Variants in SYN3 observed in about 807,000 individuals in gnomAD.
SYN3 encodes synapsin III, also known as synapsin-3.
SYN3 carries 35 observed loss-of-function variants against 65.8 expected under a neutral mutation model. The ratio of observed to expected loss-of-function variants is 0.53; its 90% CI spans 0.41 to 0.70. SYN3 has a LOEUF of 0.70. SYN3 is among the 30% of genes least tolerant of loss of function. SYN3 has a pLI of 0.00. For synonymous variants in SYN3, 270 were observed against 292.9 expected, an observed-to-expected ratio of 0.92 and a Z score of 0.80; for missense variants, 680 against 749.0, an observed-to-expected ratio of 0.91 and a Z score of 1.08.
At chr22:32,687,614 T>C (rs1004982326) in intron 6 of SYN3, among the ~76,000 whole-genome samples, 32 of 152,278 alleles carry the variant, frequency 2.1e-4, no homozygotes, top group Admixed American at 2.1e-3. Context: ...CTTAAAACTT[T>C]GGTTGGTTTC....
chr22:32,933,498 G>A (rs1238205690), intron 3 of SYN3, among the ~76,000 whole-genome samples: 5 of 152,066 alleles, frequency 3.3e-5, no homozygotes, highest in African/African-American at 7.2e-5. Context: ...GCTCAATCTC[G>A]GCTCACTGCA....
rs2053202975 is a variant in SYN3 at position 33,006,550 on chromosome 22, G to A, written c.113C>T (p.Pro38Leu). Residue 38 changes from proline (P) to leucine (L), a missense_variant, in exon 2 of 14, where the codon CCC becomes CTC. Coordinates refer to ENST00000358763, the MANE Select transcript of SYN3 (RefSeq NM_003490.4). Reference protein sequence around the residue: ...PDSSTSSPASPAMERRHPQPL... With the variant: ...PDSSTSSPASLAMERRHPQPL... Reference sequence around the variant, plus strand: ...CTGGGGGTGCCTCCTCTCCATGGCGGGGGAAGCAGGTGAGCTGGTGGAGCT... The same window carrying A: ...CTGGGGGTGCCTCCTCTCCATGGCGAGGGAAGCAGGTGAGCTGGTGGAGCT... 6.2e-7 allele frequency: 1 copy of A among 1,614,200 alleles called. No individual in the cohort carries two copies. The highest frequency in any genetic ancestry group is 2.2e-5 in the East Asian group (1 of 44,878).
intron 6 of SYN3, among the ~76,000 whole-genome samples, chr22:32,863,703 A>G (rs900800846): frequency 3.9e-5 from 6 of 152,148 alleles, no homozygotes; most frequent in Non-Finnish European, 7.3e-5. Flanking sequence ...TATATACAGG[A>G]TCTCATGAAA....
intron 6 of SYN3, among the ~76,000 whole-genome samples, chr22:32,715,497 A>T (rs1265314151): frequency 1.3e-5 from 2 of 152,170 alleles, no homozygotes; most frequent in African/African-American, 4.8e-5. Flanking sequence ...AAAGTGAAAG[A>T]TGGCTGGGCG....
At chr22:32,640,578 C>T (rs937184770) in intron 6 of SYN3, among the ~76,000 whole-genome samples, 8 of 152,140 alleles carry the variant, frequency 5.3e-5, no homozygotes, top group Non-Finnish European at 1.2e-4. Flanking sequence ...TAAATCTATT[C>T]ATATTTGGCC....
chr22:32,640,009 G>T lies in SYN3; in HGVS notation c.712-43273C>A, dbSNP rs147132572. Among the ~76,000 whole-genome samples, 1,329 of 152,294 alleles carry T rather than the reference G, an allele frequency of 8.7e-3. 16 individuals carry two copies. The highest frequency in any genetic ancestry group is 0.031 in the African/African-American group (1,286 of 41,550). ...TGCCACTCCTTTCTTCAATCCATAT[G>T]TTCTAGAACTGCAAAACTGTTCTCT... On this transcript the variant is annotated intron_variant, in intron 6 of 13. Transcript: ENST00000358763.
At chr22:32,831,184 T>C (rs142351432) in intron 6 of SYN3, among the ~76,000 whole-genome samples, 1,807 of 152,262 alleles carry the variant, frequency 0.012, 36 homozygotes, top group African/African-American at 0.041. Flanking sequence ...TGTGGGAGCC[T>C]GAGGCAGAAG....
intron 6 of SYN3, among the ~76,000 whole-genome samples, chr22:32,617,499 G>C (rs898829695): frequency 6.6e-6 from 1 of 150,474 alleles, no homozygotes; most frequent in African/African-American, 2.5e-5. Context: ...TAAAGAGAGA[G>C]AGCCCCTTGT....
At chr22:32,514,907 G>A (rs568929827) in intron 13 of SYN3, among the ~76,000 whole-genome samples, 3 of 152,138 alleles carry the variant, frequency 2.0e-5, no homozygotes, top group African/African-American at 7.2e-5. Flanking sequence ...TCCCAGCTAC[G>A]CGGGAGGCTG....
chr22:32,814,847 G>C (rs570319196), intron 6 of SYN3, among the ~76,000 whole-genome samples: 14 of 152,136 alleles, frequency 9.2e-5, no homozygotes, highest in Non-Finnish European at 8.8e-5. Context: ...GGCTACACGT[G>C]AGCCATGTAT....
At chr22:33,029,039 C>CA (rs1237730746) in intron 1 of SYN3, among the ~76,000 whole-genome samples, 1,896 of 134,214 alleles carry the variant, frequency 0.014, 38 homozygotes, top group African/African-American at 0.047. Context: ...GACTCTGTCT[C>CA]AAAAAAAAAA....
At position 32,863,143 on chromosome 22, in the gene SYN3, C is replaced by T. The variant is rs560151476; in HGVS notation, c.711+1772G>A. The T allele has an allele frequency of 3.3e-5, 5 of 152,722 alleles. No homozygotes were observed. In the South Asian group the frequency reaches 6.2e-4, roughly 19 times the overall value. The allele number at this position is 152,722 out of a possible 1,614,324, so 9.5% of individuals were successfully genotyped here. Reference sequence around the variant, plus strand: ...TCCCCAGCTCCAGGCCTGGACACATCCCTCCCTCCATGCACCGCTATGGCC... The same window carrying T: ...TCCCCAGCTCCAGGCCTGGACACATTCCTCCCTCCATGCACCGCTATGGCC... On this transcript the variant is annotated intron_variant, in intron 6 of 13. Transcript: ENST00000358763.
intron 4 of SYN3, among the ~76,000 whole-genome samples, chr22:32,881,364 CTCTG>C (rs1469742415): frequency 1.3e-5 from 2 of 152,212 alleles, no homozygotes; most frequent in Non-Finnish European, 2.9e-5. Context: ...CCACACATAT[CTCTG>C]TCTGACAGGC....
At chr22:32,516,843 A>C (rs549925303) in intron 13 of SYN3, among the ~76,000 whole-genome samples, 1 of 152,348 alleles carries the variant, frequency 6.6e-6, no homozygotes, top group South Asian at 2.1e-4. Context: ...AATGGGGATA[A>C]GAAATAGTTA....
intron 1 of SYN3, among the ~76,000 whole-genome samples, chr22:33,027,552 A>G (rs978991924): frequency 4.6e-5 from 7 of 152,032 alleles, no homozygotes; most frequent in Middle Eastern, 3.4e-3. Context: ...AGCCGAGATT[A>G]CACCACTGCA....
chr22:32,608,312 C>T (rs949603383), intron 6 of SYN3, among the ~76,000 whole-genome samples: 7 of 152,214 alleles, frequency 4.6e-5, no homozygotes, highest in South Asian at 2.1e-4. Context: ...TCAAATGATC[C>T]GCCCGCTTCG....
At chr22:32,965,544 G>A (rs1045256170) in intron 3 of SYN3, among the ~76,000 whole-genome samples, 1 of 14,328 alleles carries the variant, frequency 7.0e-5, no homozygotes, top group Non-Finnish European at 1.7e-4. Flanking sequence ...TGGTGCGTAC[G>A]TGTGTGTGTG....
At chr22:32,723,079 T>C (rs1007265790) in intron 6 of SYN3, among the ~76,000 whole-genome samples, 2 of 152,160 alleles carry the variant, frequency 1.3e-5, no homozygotes, top group Admixed American at 6.5e-5. Context: ...ACGCAGATGA[T>C]GAATCCAAGA....
chr22:32,749,487 A>G (rs2045045463), intron 6 of SYN3, among the ~76,000 whole-genome samples: 1 of 152,052 alleles, frequency 6.6e-6, no homozygotes, highest in Non-Finnish European at 1.5e-5. Context: ...TAAAAACTAC[A>G]AAAATTAGCC....
Sources: allele counts gnomAD v4.1 joint callset (sites outside exome capture counted in the v4.1 genomes callset), GRCh38; gene constraint gnomAD v4.1.1; transcripts MANE v1.5; gene names NCBI Gene and HGNC (gene_info 2026-07-23, HGNC 2026-07-21).